The following CSMD1 variants were observed in gnomAD, a reference collection of about 807,000 sequenced individuals.
CSMD1 encodes CUB and Sushi multiple domains 1.
Under a neutral mutation model 417.5 loss-of-function variants are expected in CSMD1, and 213 were observed. The ratio of observed to expected loss-of-function variants is 0.51; its 90% CI spans 0.46 to 0.57. CSMD1 has a LOEUF of 0.57. Ranked by LOEUF, CSMD1 falls within the 20% of genes least tolerant of loss-of-function variation. The pLI, the probability that CSMD1 is intolerant of heterozygous loss-of-function variation, is 0.00. For synonymous variants in CSMD1, 2,862 were observed against 1,736.8 expected, an observed-to-expected ratio of 1.65 and a Z score of -16.11; for missense variants, 6,923 against 4,529.7, an observed-to-expected ratio of 1.53 and a Z score of -15.17.
intron 15 of CSMD1, among the ~76,000 whole-genome samples, chr8:3,405,734 C>T (rs1373784263): frequency 6.6e-6 from 1 of 152,144 alleles, no homozygotes. Flanking sequence ...GGTGAGGCTT[C>T]TCCAGCCATG....
chr8:3,507,928 T>C (rs901325691), intron 10 of CSMD1, among the ~76,000 whole-genome samples: 1 of 152,164 alleles, frequency 6.6e-6, no homozygotes, highest in African/African-American at 2.4e-5. Flanking sequence ...GATGAGTAGG[T>C]TGCAAAAAGT....
chr8:4,452,790 G>T (rs546688880), intron 2 of CSMD1, among the ~76,000 whole-genome samples: 3 of 151,868 alleles, frequency 2.0e-5, no homozygotes, highest in South Asian at 2.1e-4. Flanking sequence ...AAAGTTTATT[G>T]GATTAATAAC....
intron 5 of CSMD1, among the ~76,000 whole-genome samples, chr8:3,875,490 C>A (rs1202809759): frequency 6.6e-6 from 1 of 151,980 alleles, no homozygotes; most frequent in African/African-American, 2.4e-5. Flanking sequence ...CCGAGGGTCA[C>A]TGGCATGGAG....
At chr8:3,716,189 T>C (rs1056178045) in intron 6 of CSMD1, among the ~76,000 whole-genome samples, 5 of 152,216 alleles carry the variant, frequency 3.3e-5, no homozygotes, top group African/African-American at 9.6e-5. Flanking sequence ...GTGTTGCCTA[T>C]GGCACTTTAC....
intron 1 of CSMD1, among the ~76,000 whole-genome samples, chr8:4,979,122 T>C (rs1260107791): frequency 6.6e-6 from 1 of 152,190 alleles, no homozygotes; most frequent in Non-Finnish European, 1.5e-5. Context: ...TCTACCTGAC[T>C]CTACTGAGTC....
At chr8:4,720,085 T>C (rs1808953351) in intron 1 of CSMD1, among the ~76,000 whole-genome samples, 1 of 151,944 alleles carries the variant, frequency 6.6e-6, no homozygotes, top group Non-Finnish European at 1.5e-5. Context: ...TGAAATATTT[T>C]TTATGTAAAA....
intron 52 of CSMD1, among the ~76,000 whole-genome samples, chr8:3,004,656 C>A (rs972310213): frequency 4.6e-5 from 7 of 152,188 alleles, no homozygotes; most frequent in South Asian, 2.1e-4. Flanking sequence ...AATTCAATTA[C>A]TACCACACTT....
chr8:4,231,517 G>T (rs530451204), intron 3 of CSMD1, among the ~76,000 whole-genome samples: 1 of 29,176 alleles, frequency 3.4e-5, no homozygotes, highest in Admixed American at 5.2e-4. Flanking sequence ...CATAAGAAAG[G>T]TCTGTAATTT....
intron 5 of CSMD1, among the ~76,000 whole-genome samples, chr8:3,902,887 G>C (rs1012341889): frequency 6.6e-6 from 1 of 152,064 alleles, no homozygotes. Context: ...CCATCTAACA[G>C]CCATTGATCA....
In CSMD1 at chr8:3,201,661, T is replaced by C. The variant is rs1420722681; in HGVS notation, c.5049A>G (p.Gly1683=). Residue 1683 remains glycine, a synonymous_variant, in exon 32 of 70, where the codon GGA becomes GGG. Transcript: ENST00000635120. ...ALNDLAELFD[G]THAQARLLSS... ...TGAGAAGTCTGGCCTGTGCATGGGT[T>C]CCATCAAATAATTCTGCCAAATCAT... The C allele has an allele frequency of 1.2e-6, 2 of 1,606,902 alleles. No homozygotes were observed. Among genetic ancestry groups the C allele is most frequent in the Non-Finnish European group, 1.7e-6 (2 of 1,176,662 alleles).
chr8:4,247,879 T>G (rs1377089125), intron 3 of CSMD1, among the ~76,000 whole-genome samples: 1 of 152,142 alleles, frequency 6.6e-6, no homozygotes, highest in East Asian at 1.9e-4. Flanking sequence ...AATGTACAAA[T>G]TTTTCTTGAG....
intron 42 of CSMD1, among the ~76,000 whole-genome samples, chr8:3,115,413 GC>G (rs1816805918): frequency 6.6e-6 from 1 of 152,104 alleles, no homozygotes; most frequent in Admixed American, 6.6e-5. Context: ...TGTTGGCCAG[GC>G]TTGTCTCAAA....
intron 7 of CSMD1, among the ~76,000 whole-genome samples, chr8:3,695,116 G>GTGTGTGTGTGTGTGT (rs61279256): frequency 2.3e-4 from 35 of 150,862 alleles, no homozygotes; most frequent in East Asian, 3.9e-4. Flanking sequence ...GTGTGTGTGT[G>GTGTGTGTGTGTGTGT]GTTATTGAAG....
chr8:4,186,107 C>A (rs990056400), intron 3 of CSMD1, among the ~76,000 whole-genome samples: 1 of 152,064 alleles, frequency 6.6e-6, no homozygotes, highest in East Asian at 1.9e-4. Flanking sequence ...TTTGATTGGG[C>A]CATGCCAGGC....
intron 5 of CSMD1, among the ~76,000 whole-genome samples, chr8:3,852,304 G>A (rs1302249348): frequency 1.3e-5 from 2 of 152,090 alleles, no homozygotes; most frequent in South Asian, 4.1e-4. Flanking sequence ...CAGAATCAGA[G>A]GTGGGGTTTG....
At chr8:3,175,297 A>G (rs1252965997) in intron 37 of CSMD1, among the ~76,000 whole-genome samples, 2 of 152,140 alleles carry the variant, frequency 1.3e-5, no homozygotes, top group Admixed American at 6.5e-5. Flanking sequence ...GTTTTCTTCC[A>G]ATTACCTCTT....
At chr8:3,568,310 C>A (rs534262373) in intron 10 of CSMD1, among the ~76,000 whole-genome samples, 26 of 152,226 alleles carry the variant, frequency 1.7e-4, no homozygotes, top group Admixed American at 1.4e-3. Flanking sequence ...TTGTCAATGG[C>A]AGAATTTCCT....
intron 3 of CSMD1, among the ~76,000 whole-genome samples, chr8:4,292,865 T>A (rs1797448692): frequency 6.6e-6 from 1 of 152,024 alleles, no homozygotes; most frequent in South Asian, 2.1e-4. Context: ...ATTTAATGGG[T>A]TAATTTAAAA....
chr8:3,554,863 G>C (rs1799074714), intron 10 of CSMD1, among the ~76,000 whole-genome samples: 1 of 152,170 alleles, frequency 6.6e-6, no homozygotes, highest in South Asian at 2.1e-4. Flanking sequence ...CCAGCAGGCA[G>C]GGAGCCCCCT....
Sources: gnomAD v4.1 joint callset for allele counts (sites outside exome capture counted in the v4.1 genomes callset) on GRCh38, gnomAD v4.1.1 for gene constraint, MANE v1.5 for transcripts, NCBI Gene and HGNC (gene_info 2026-07-23, HGNC 2026-07-21) for gene names.